Variants in RNF38 observed in about 807,000 individuals in gnomAD.
RNF38 encodes ring finger protein 38, also known as E3 ubiquitin-protein ligase RNF38.
Under a neutral mutation model 67.2 loss-of-function variants are expected in RNF38, and 15 were observed. That is an observed-to-expected ratio of 0.22 (90% CI 0.15 to 0.34). The LOEUF is 0.34. RNF38 is among the 10% of genes least tolerant of loss of function. The pLI is 1.00. For synonymous variants in RNF38, 220 were observed against 218.8 expected (o/e 1.01, Z -0.05); for missense variants, 524 against 639.9 (o/e 0.82, Z 1.95).
chr9:36,384,479 C>A (rs1836447598), intron 2 of RNF38, among the ~76,000 whole-genome samples: 1 of 152,064 alleles, frequency 6.6e-6, no homozygotes, highest in African/African-American at 2.4e-5. Context: ...CTAAGAAACA[C>A]CAACATTTAA....
In RNF38 at chr9:36,426,704, G is replaced by A. The variant is rs189378223; in HGVS notation, n.242-2021C>T. On this transcript the variant is annotated intron_variant and non_coding_transcript_variant, in intron 1 of 3. Coordinates refer to the RNF38 transcript ENST00000488058. The stretch of plus-strand genomic sequence containing the variant: ...AACTGTTTTCCAAACTGACGGCATC[G>A]TTTATAATTCCACCAGCAATATATT... Among the ~76,000 whole-genome samples, 379 of 152,228 alleles carry A rather than the reference G, an allele frequency of 2.5e-3. 1 individual carries two copies. The highest frequency in any genetic ancestry group is 3.9e-3 in the South Asian group (19 of 4,826).
In RNF38 at chr9:36,365,491, TG is replaced by T. The variant is rs375973806; in HGVS notation, c.570+4227del. 1.4e-3 allele frequency among the ~76,000 whole-genome samples: 211 copies of T among 151,842 alleles called. 3 individuals carry two copies. The East Asian group carries it at 0.038, about 27-fold the overall frequency. On this transcript the variant is annotated intron_variant, in intron 4 of 11. Transcript: ENST00000259605. ...GCTGAGGCAGGAGAATCGCTTGAAATGGAAAGGTGGAAGCTGCAGTGAGCCA... is the reference window on the plus strand; with the variant it reads ...GCTGAGGCAGGAGAATCGCTTGAAATGAAAGGTGGAAGCTGCAGTGAGCCA...
intron 1 of RNF38, among the ~76,000 whole-genome samples, chr9:36,467,317 T>C (rs534656140): frequency 2.7e-5 from 4 of 149,542 alleles, no homozygotes; most frequent in South Asian, 4.3e-4. Context: ...TTTCCAACTA[T>C]TTAAAATTAT....
At position 36,482,083 on chromosome 9, in the gene RNF38, C is replaced by T. The variant is rs868718556; in HGVS notation, n.241+5225G>A. On this transcript the variant is annotated intron_variant and non_coding_transcript_variant, in intron 1 of 3. Coordinates refer to the RNF38 transcript ENST00000488058. The stretch of plus-strand genomic sequence containing the variant: ...TTTTTTTTTTTTTGAGACGAAGTTT[C>T]GCTCTTGTTGCCCAGGCTGGAGTGC... Among the ~76,000 whole-genome samples the T allele has an allele frequency of 7.0e-4, 85 of 121,578 alleles. 2 individuals are homozygous for T. Among genetic ancestry groups the T allele is most frequent in the African/African-American group, 2.3e-3 (73 of 32,234 alleles). The allele number at this position is 121,578 out of a possible 152,430, so 79.8% of individuals were successfully genotyped here. A position where few individuals can be genotyped will look rare whatever the true frequency, so the allele number is the denominator to read the frequency against.
Position 36,400,213 on chromosome 9 carries a change from T to A in RNF38, c.-105A>T. The A allele has an allele frequency of 6.6e-7, 1 of 1,509,588 alleles. No individual in the cohort carries two copies. Among genetic ancestry groups the A allele is most frequent in the East Asian group, 2.4e-5 (1 of 41,946 alleles). 93.5% of individuals were successfully genotyped at this position (1,509,588 alleles called of 1,614,324 possible). A position where few individuals can be genotyped will look rare whatever the true frequency, so the allele number is the denominator to read the frequency against. ...ACGCTTCAACCCTGAAAGGAAGAAC[T>A]TGCATCCCCTGAGAACAAAACGCAG... On this transcript the variant is annotated 5_prime_UTR_variant, in exon 1 of 12. It adds an upstream start codon to the 5' untranslated region. Transcript: ENST00000259605.
intron 1 of RNF38, 131 bp from the exon 2 acceptor site, chr9:36,390,747 A>T: frequency 3.1e-6 from 3 of 965,878 alleles, no homozygotes; most frequent in Non-Finnish European, 3.1e-6. Flanking sequence ...AAGAAATTAA[A>T]AATTAATTTT....
At chr9:36,423,806 G>A (rs1373550113) in intron 2 of RNF38, among the ~76,000 whole-genome samples, 1 of 89,354 alleles carries the variant, frequency 1.1e-5, no homozygotes. Flanking sequence ...AAAATTAGCC[G>A]GGCGTGGTGG....
chr9:36,425,870 G>C (rs1838756683), intron 1 of RNF38, among the ~76,000 whole-genome samples: 1 of 152,120 alleles, frequency 6.6e-6, no homozygotes, highest in African/African-American at 2.4e-5. Flanking sequence ...GTTAATTTTT[G>C]TATTTTTAGT....
intron 1 of RNF38, among the ~76,000 whole-genome samples, chr9:36,448,504 A>G (rs1283662840): frequency 6.6e-6 from 1 of 152,220 alleles, no homozygotes; most frequent in African/African-American, 2.4e-5. Context: ...GTGGTGGTAT[A>G]GTACAAATAG....
intron 2 of RNF38, among the ~76,000 whole-genome samples, chr9:36,386,829 G>A (rs1836675457): frequency 6.6e-6 from 1 of 152,182 alleles, no homozygotes; most frequent in Non-Finnish European, 1.5e-5. Context: ...TTGAGAGGTA[G>A]TCTTGCTCTG....
chr9:36,395,501 C>T (rs60215835), intron 1 of RNF38, among the ~76,000 whole-genome samples: 2 of 152,240 alleles, frequency 1.3e-5, no homozygotes, highest in Admixed American at 6.5e-5. Flanking sequence ...ATATAAAAGA[C>T]GAAAACAAAA....
chr9:36,360,861 A>G (rs763111505), intron 4 of RNF38, among the ~76,000 whole-genome samples: 1 of 152,152 alleles, frequency 6.6e-6, no homozygotes, highest in Non-Finnish European at 1.5e-5. Flanking sequence ...CCAACAATGG[A>G]GTGCAGTGGT....
intron 9 of RNF38, among the ~76,000 whole-genome samples, chr9:36,345,936 G>A (rs1258178089): frequency 6.6e-6 from 1 of 152,176 alleles, no homozygotes; most frequent in East Asian, 1.9e-4. Flanking sequence ...ATAGGGAGAT[G>A]TGAATACTTA....
At chr9:36,473,584 G>A (rs546299735) in intron 1 of RNF38, among the ~76,000 whole-genome samples, 14 of 151,914 alleles carry the variant, frequency 9.2e-5, no homozygotes, top group South Asian at 2.1e-4. Flanking sequence ...GCGAAACTCC[G>A]TCTCAAAAAA....
At chr9:36,414,751 G>A (rs1838418186) in intron 2 of RNF38, among the ~76,000 whole-genome samples, 2 of 151,514 alleles carry the variant, frequency 1.3e-5, no homozygotes, top group African/African-American at 4.8e-5. Context: ...TGGCTTGGTG[G>A]TGTCGAATTC....
chr9:36,396,677 G>T (rs1837531929), intron 1 of RNF38, among the ~76,000 whole-genome samples: 1 of 152,026 alleles, frequency 6.6e-6, no homozygotes. Flanking sequence ...GCCTGGATGG[G>T]CACAGGGATC....
chr9:36,342,232 C>CA (rs1832909526), intron 11 of RNF38, 93 bp downstream of exon 11: 6 of 869,826 alleles, frequency 6.9e-6, no homozygotes, highest in Non-Finnish European at 1.1e-5. Context: ...TTTTGTCTTC[C>CA]TTCCTGTCCA....
At chr9:36,344,796 G>C (rs779264322) in intron 10 of RNF38, 36 bp downstream of exon 10, 1 of 1,594,162 alleles carries the variant, frequency 6.3e-7, no homozygotes, top group Non-Finnish European at 8.6e-7. Context: ...AGGTAGAAAA[G>C]GAAATTTAGC....
At chr9:36,461,264 T>C (rs1478359566) in intron 1 of RNF38, among the ~76,000 whole-genome samples, 1 of 152,064 alleles carries the variant, frequency 6.6e-6, no homozygotes, top group Non-Finnish European at 1.5e-5. Flanking sequence ...TCAGGGATGT[T>C]AAAGCCATGA....
Sources: allele counts gnomAD v4.1 joint callset (sites outside exome capture counted in the v4.1 genomes callset), GRCh38; gene constraint gnomAD v4.1.1; transcripts MANE v1.5; gene names NCBI Gene and HGNC (gene_info 2026-07-23, HGNC 2026-07-21).